The following CPXM2 variants were observed in gnomAD, a reference collection of about 807,000 sequenced individuals.
The protein encoded by CPXM2 is carboxypeptidase X, M14 family member 2.
In CPXM2, 66 loss-of-function variants were observed where a neutral mutation model predicts 86.1. The ratio of observed to expected loss-of-function variants is 0.77; its 90% CI spans 0.63 to 0.94. The LOEUF (loss-of-function observed/expected upper bound fraction) is 0.94, where lower values mean the gene tolerates loss of function less well. Ranked by LOEUF, CPXM2 falls within the 40% of genes least tolerant of loss-of-function variation. The pLI is 0.00. For missense variants in CPXM2, 948 were observed against 1,026.3 expected, an observed-to-expected ratio of 0.92 and a Z score of 1.04; for synonymous variants, 388 against 400.2, an observed-to-expected ratio of 0.97 and a Z score of 0.36.
At chr10:123,943,882 G>A (rs995831087), upstream of CPXM2, among the ~76,000 whole-genome samples, 1 of 152,142 alleles carries the variant, frequency 6.6e-6, no homozygotes, top group Non-Finnish European at 1.5e-5. Flanking sequence ...ATAGAAGGGG[G>A]ATCTGTGTAG....
At chr10:123,787,642 A>G (rs1847094263) in intron 6 of CPXM2, among the ~76,000 whole-genome samples, 1 of 152,176 alleles carries the variant, frequency 6.6e-6, no homozygotes, top group South Asian at 2.1e-4. Flanking sequence ...TGGGACTTCA[A>G]AGGGACCAAG....
Position 123,790,413 on chromosome 10 carries a change from C to T in CPXM2, c.889+7563G>A, listed in dbSNP as rs552570237. 5.3e-5 allele frequency among the ~76,000 whole-genome samples: 8 copies of T among 152,038 alleles called. No individual in the cohort carries two copies. The South Asian group carries it at 1.0e-3, about 20-fold the overall frequency. On this transcript the variant is annotated intron_variant, in intron 6 of 13. Transcript: ENST00000241305. ...AAGACGGAGCAGGTGACCAGGGGAA[C>T]AGATGTGAACTACGGATTAGAACTC... is the stretch of plus-strand genomic sequence containing the variant.
chr10:123,791,554 T>A (rs576014259), intron 6 of CPXM2, among the ~76,000 whole-genome samples: 125 of 152,330 alleles, frequency 8.2e-4, no homozygotes, highest in African/African-American at 2.2e-3. Flanking sequence ...ATCACTCCGA[T>A]CTCCACCTGC....
In CPXM2 at chr10:123,747,011, T is replaced by C. The variant is rs1342470209; in HGVS notation, c.2024A>G (p.Asp675Gly). 4 of 1,613,316 alleles carry C rather than the reference T, an allele frequency of 2.5e-6. No individual in the cohort carries two copies. Among genetic ancestry groups the C allele is most frequent in the Non-Finnish European group, 3.4e-6 (4 of 1,179,708 alleles). The change falls in exon 14 of 14, where the codon GAT (aspartate) becomes GGT (glycine). Residue 675 changes from aspartate (D) to glycine (G), a missense_variant. By Grantham distance (94) the Asp-to-Gly change is moderately conservative (BLOSUM62 -1). Coordinates refer to ENST00000241305, the MANE Select transcript of CPXM2 (RefSeq NM_198148.3). ...GTTCAGGAGGCGCCAGTAATCCCCA[T>C]CGTTGGCTGTGAAAAAGAAAACCAG... ...GINHDIRTANDGDYWRLLNPG... is the reference protein window; with the variant it reads ...GINHDIRTANGGDYWRLLNPG...
intron 3 of CPXM2, among the ~76,000 whole-genome samples, chr10:123,852,427 C>T (rs1360191305): frequency 1.3e-5 from 2 of 152,216 alleles, no homozygotes; most frequent in Non-Finnish European, 2.9e-5. Flanking sequence ...CTCCATCACG[C>T]CTATCTTGGC....
At chr10:123,784,491 T>C (rs979584274) in intron 6 of CPXM2, among the ~76,000 whole-genome samples, 11 of 152,202 alleles carry the variant, frequency 7.2e-5, no homozygotes, top group African/African-American at 2.7e-4. Context: ...TGGTTTTCTT[T>C]TGACTCCTCA....
At chr10:123,768,383 ATAAAT>A (rs1564758875) in intron 9 of CPXM2, 138 bp downstream of exon 9, 178 of 91,950 alleles carry the variant, frequency 1.9e-3, no homozygotes, top group Non-Finnish European at 2.8e-3. Context: ...CAAAAAATAA[ATAAAT>A]AAATAAATAA....
chr10:123,815,831 C>A (rs1372537207), intron 4 of CPXM2, among the ~76,000 whole-genome samples: 1 of 152,078 alleles, frequency 6.6e-6, no homozygotes, highest in Non-Finnish European at 1.5e-5. Context: ...TTTATATACA[C>A]AGAAATCTGA....
At chr10:123,856,019 A>T (rs1004987174) in intron 3 of CPXM2, among the ~76,000 whole-genome samples, 3 of 152,224 alleles carry the variant, frequency 2.0e-5, no homozygotes, top group Non-Finnish European at 4.4e-5. Context: ...AACGACCGTG[A>T]CCAGGCTATC....
At chr10:123,854,332 T>A (rs1848660687) in intron 3 of CPXM2, among the ~76,000 whole-genome samples, 1 of 133,772 alleles carries the variant, frequency 7.5e-6, no homozygotes. Context: ...GCCCAAGAGC[T>A]AGTGAACAAA....
At chr10:123,926,049 C>T (rs1945619678) in intron 2 of CPXM2, among the ~76,000 whole-genome samples, 1 of 152,200 alleles carries the variant, frequency 6.6e-6, no homozygotes, top group Non-Finnish European at 1.5e-5. Context: ...TGTCCCAAGC[C>T]TGCCCTCTTC....
At chr10:123,866,407 A>C (rs1427024629) in intron 2 of CPXM2, among the ~76,000 whole-genome samples, 2 of 147,426 alleles carry the variant, frequency 1.4e-5, no homozygotes, top group African/African-American at 5.1e-5. Flanking sequence ...CTACTAAAAA[A>C]TACAAAAAAT....
intron 2 of CPXM2, among the ~76,000 whole-genome samples, chr10:123,920,462 A>C (rs1052365955): frequency 2.0e-5 from 3 of 152,212 alleles, no homozygotes; most frequent in Admixed American, 2.0e-4. Flanking sequence ...AATGTTTAAA[A>C]AATCATGATA....
At chr10:123,756,343 G>T (rs1257209120) in intron 12 of CPXM2, among the ~76,000 whole-genome samples, 1 of 152,218 alleles carries the variant, frequency 6.6e-6, no homozygotes, top group Non-Finnish European at 1.5e-5. Context: ...TGTTTGGTTA[G>T]TTGCAGAACT....
chr10:123,755,599 A>G (rs1846186845), intron 12 of CPXM2, among the ~76,000 whole-genome samples: 1 of 152,356 alleles, frequency 6.6e-6, no homozygotes, highest in South Asian at 2.1e-4. Context: ...ACTTTGTGGG[A>G]CTTGCTGACT....
At position 123,754,672 on chromosome 10, in the gene CPXM2, T is replaced by A; in HGVS notation, c.2008A>T (p.Ile670Phe). ...ACACATTTGCAGTTACCTGTTCGGA[T>A]GTCATGGTTAATGCCTTCTACGGAG... ...IISVEGINHD[I>F]RTANDGDYWR... Residue 670 changes from isoleucine (I) to phenylalanine (F), a missense_variant, in exon 13 of 14, where the codon ATC (isoleucine) becomes TTC (phenylalanine). Ile to Phe is a conservative substitution (Grantham distance 21, BLOSUM62 0). Coordinates refer to ENST00000241305, the MANE Select transcript of CPXM2 (RefSeq NM_198148.3). The surrounding 1 kb of genome is among the most constrained non-coding windows in gnomAD (Gnocchi z 4.0). 1 of 1,570,286 alleles carries A rather than the reference T, an allele frequency of 6.4e-7. No individual in the cohort carries two copies. Among genetic ancestry groups the A allele is most frequent in the Non-Finnish European group, 8.8e-7 (1 of 1,139,748 alleles).
chr10:123,843,236 A>G (rs762223557), intron 3 of CPXM2: 1 of 451,842 alleles, frequency 2.2e-6, no homozygotes, highest in South Asian at 1.6e-5. Context: ...ACAAGCACAC[A>G]CCACCATGCC....
chr10:123,897,978 T>C (rs1945351580), intron 2 of CPXM2, among the ~76,000 whole-genome samples: 1 of 152,146 alleles, frequency 6.6e-6, no homozygotes, highest in Non-Finnish European at 1.5e-5. Context: ...ATGCAGTTGG[T>C]CCACACACTC....
chr10:123,848,171 G>A (rs1300846739), intron 3 of CPXM2, among the ~76,000 whole-genome samples: 1 of 152,190 alleles, frequency 6.6e-6, no homozygotes, highest in African/African-American at 2.4e-5. Context: ...AACGTTAGCT[G>A]TGACATTTGA....
Sources: gnomAD v4.1 joint callset for allele counts (sites outside exome capture counted in the v4.1 genomes callset) on GRCh38, gnomAD v4.1.1 for gene constraint, Gnocchi (gnomAD v3.1) non-coding constraint, MANE v1.5 for transcripts, NCBI Gene and HGNC (gene_info 2026-07-23, HGNC 2026-07-21) for gene names.